The following PDE1C variants were observed in gnomAD, a reference collection of about 807,000 sequenced individuals.
PDE1C encodes dual specificity calcium/calmodulin-dependent 3',5'-cyclic nucleotide phosphodiesterase 1C.
Under a neutral mutation model 93.1 loss-of-function variants are expected in PDE1C, and 62 were observed. That is an observed-to-expected ratio of 0.67 (90% CI 0.54 to 0.82). The LOEUF (loss-of-function observed/expected upper bound fraction) is 0.82. PDE1C is among the 40% of genes least tolerant of loss of function. The pLI is 0.00. For missense variants in PDE1C, 742 were observed against 884.6 expected, an observed-to-expected ratio of 0.84 and a Z score of 2.04; for synonymous variants, 325 against 310.1, an observed-to-expected ratio of 1.05 and a Z score of -0.50.
intron 2 of PDE1C, among the ~76,000 whole-genome samples, chr7:32,177,274 G>A (rs879851900): frequency 3.9e-5 from 6 of 152,170 alleles, no homozygotes; most frequent in East Asian, 1.9e-4. Context: ...GGCAGGAGAG[G>A]AGAACACGGA....
chr7:32,249,850 G>A (rs1321837457), intron 1 of PDE1C, among the ~76,000 whole-genome samples: 5 of 152,162 alleles, frequency 3.3e-5, no homozygotes, highest in Admixed American at 3.3e-4. Flanking sequence ...AAAATCACAT[G>A]TGCTCAAGGG....
chr7:32,053,096 A>T, intron 1 of PDE1C, among the ~76,000 whole-genome samples: 1 of 152,188 alleles, frequency 6.6e-6, no homozygotes, highest in Non-Finnish European at 1.5e-5. Context: ...TTTGAAGCAA[A>T]CTATCTATGT....
At position 31,775,743 on chromosome 7, in the gene PDE1C, G is replaced by T; in HGVS notation, c.1892-11C>A. Reference sequence around the variant, plus strand: ...AACGCTGTTTTGTGCCTGTGAAGAGGAAAAAGAGGATAAGGAAAAGTAGGA... The same window carrying T: ...AACGCTGTTTTGTGCCTGTGAAGAGTAAAAAGAGGATAAGGAAAAGTAGGA... On this transcript the variant is annotated splice_polypyrimidine_tract_variant and intron_variant, in intron 16 of 17. Transcript: ENST00000396191. 6.2e-7 allele frequency: 1 copy of T among 1,610,314 alleles called. No individual in the cohort carries two copies. The highest frequency in any genetic ancestry group is 8.5e-7 in the Non-Finnish European group (1 of 1,177,884).
intron 2 of PDE1C, among the ~76,000 whole-genome samples, chr7:31,966,054 C>G (rs372904527): frequency 6.6e-6 from 1 of 152,104 alleles, no homozygotes; most frequent in Admixed American, 6.5e-5. Flanking sequence ...CATCAACTAA[C>G]GAGCAAAATG....
At chr7:32,205,712 T>C (rs1277869600) in intron 2 of PDE1C, among the ~76,000 whole-genome samples, 2 of 152,198 alleles carry the variant, frequency 1.3e-5, no homozygotes, top group Non-Finnish European at 2.9e-5. Context: ...ACTACCTTTA[T>C]GAGCTGTAAC....
At chr7:32,330,311 C>T (rs1783489535) in intron 1 of PDE1C, among the ~76,000 whole-genome samples, 1 of 152,198 alleles carries the variant, frequency 6.6e-6, no homozygotes, top group African/African-American at 2.4e-5. Flanking sequence ...GCTCCACGGC[C>T]TTGCTCAGCT....
chr7:31,700,691 G>A, the PDE1C span, among the ~76,000 whole-genome samples: 1 of 152,082 alleles, frequency 6.6e-6, no homozygotes, highest in African/African-American at 2.4e-5. Flanking sequence ...CAAAGGACAG[G>A]CCAACTCTCT....
At chr7:31,836,184 ATGGCAGCACC>A (rs1458600710) in intron 11 of PDE1C, among the ~76,000 whole-genome samples, 1 of 152,194 alleles carries the variant, frequency 6.6e-6, no homozygotes, top group Non-Finnish European at 1.5e-5. Flanking sequence ...AGATGTTTGA[ATGGCAGCACC>A]TCTAGAGATA....
chr7:32,070,563 C>G, upstream of PDE1C: 4 of 1,441,990 alleles, frequency 2.8e-6, no homozygotes, highest in East Asian at 2.5e-5. Flanking sequence ...GAGCGGACTC[C>G]GATCGCGGCA....
chr7:31,677,347 A>G, the PDE1C span, among the ~76,000 whole-genome samples: 2 of 152,172 alleles, frequency 1.3e-5, no homozygotes, highest in African/African-American at 4.8e-5. Flanking sequence ...AAAAGAATAC[A>G]CCACAAAGAA....
At chr7:32,192,115 G>C (rs1176116201) in intron 2 of PDE1C, among the ~76,000 whole-genome samples, 1 of 151,998 alleles carries the variant, frequency 6.6e-6, no homozygotes, top group Non-Finnish European at 1.5e-5. Context: ...CTAGATACCA[G>C]TCCTTTGTTG....
chr7:31,859,862 T>A (rs1447940171), intron 7 of PDE1C, among the ~76,000 whole-genome samples: 1 of 152,184 alleles, frequency 6.6e-6, no homozygotes, highest in Non-Finnish European at 1.5e-5. Flanking sequence ...TTTAATAATA[T>A]ACATCATGTA....
intron 1 of PDE1C, among the ~76,000 whole-genome samples, chr7:32,231,011 A>T (rs1245638307): frequency 6.6e-6 from 1 of 152,172 alleles, no homozygotes; most frequent in East Asian, 1.9e-4. Flanking sequence ...GCATGTGGGG[A>T]TAATTATTTA....
chr7:31,770,183 T>A (rs1795393921), intron 17 of PDE1C, among the ~76,000 whole-genome samples: 1 of 152,250 alleles, frequency 6.6e-6, no homozygotes, highest in Non-Finnish European at 1.5e-5. Context: ...ATCTTTTTCA[T>A]ATGTCATTTG....
intron 1 of PDE1C, among the ~76,000 whole-genome samples, chr7:32,368,619 CA>C (rs1386345883): frequency 6.6e-6 from 1 of 152,016 alleles, no homozygotes; most frequent in Non-Finnish European, 1.5e-5. Context: ...ACCAAAATAC[CA>C]ATAACATTCC....
chr7:32,357,251 A>G (rs1784048131), intron 1 of PDE1C, among the ~76,000 whole-genome samples: 1 of 151,966 alleles, frequency 6.6e-6, no homozygotes, highest in South Asian at 2.1e-4. Context: ...GGAGAATGGC[A>G]TGAACCTGGG....
chr7:32,212,321 T>A (rs903393693), intron 1 of PDE1C, among the ~76,000 whole-genome samples: 1 of 151,946 alleles, frequency 6.6e-6, no homozygotes, highest in African/African-American at 2.4e-5. Context: ...CACCACCCTA[T>A]CCAAGGATGG....
intron 3 of PDE1C, among the ~76,000 whole-genome samples, chr7:32,119,037 A>C (rs1799142894): frequency 6.6e-6 from 1 of 152,128 alleles, no homozygotes; most frequent in Non-Finnish European, 1.5e-5. Flanking sequence ...GGAAGCTGGG[A>C]AGCTCAAAGG....
At chr7:31,830,603 G>A (rs1486934350) in intron 11 of PDE1C, among the ~76,000 whole-genome samples, 2 of 152,168 alleles carry the variant, frequency 1.3e-5, no homozygotes, top group Non-Finnish European at 2.9e-5. Flanking sequence ...ACTAAAGACA[G>A]CAGTTAGGCA....
Sources: allele counts gnomAD v4.1 joint callset (sites outside exome capture counted in the v4.1 genomes callset), GRCh38; gene constraint gnomAD v4.1.1; transcripts MANE v1.5; gene names NCBI Gene and HGNC (gene_info 2026-07-23, HGNC 2026-07-21).